The following NTAN1 variants were observed in gnomAD, a reference collection of about 807,000 sequenced individuals.
NTAN1 encodes protein N-terminal asparagine amidohydrolase.
Under a neutral mutation model 41.9 loss-of-function variants are expected in NTAN1, and 32 were observed. That is an observed-to-expected ratio of 0.76 (90% confidence interval 0.58 to 1.03). NTAN1 has a LOEUF of 1.03. NTAN1 is among the 50% of genes least tolerant of loss of function. The pLI is 0.00. For missense variants in NTAN1, 377 were observed against 377.5 expected (o/e 1.00, Z 0.01); for synonymous variants, 140 against 139.5 (o/e 1.00, Z -0.03).
At chr16:15,039,010 A>C (rs969600977) in intron 8 of NTAN1, among the ~76,000 whole-genome samples, 1 of 152,164 alleles carries the variant, frequency 6.6e-6, no homozygotes, top group African/African-American at 2.4e-5. Context: ...TCAGAGCTGG[A>C]CCTCAAACCC....
chr16:15,047,657 T>A (rs1597797363), intron 3 of NTAN1, 107 bp from the exon 4 acceptor site: 1 of 972,656 alleles, frequency 1.0e-6, no homozygotes, highest in Non-Finnish European at 1.7e-6. Flanking sequence ...GAATATCCTG[T>A]AGGGGAAAAA....
chr16:15,047,043 A>G (rs1474664573), intron 4 of NTAN1, among the ~76,000 whole-genome samples: 1 of 151,924 alleles, frequency 6.6e-6, no homozygotes, highest in South Asian at 2.1e-4. Context: ...CTTTCTGTCT[A>G]CTCTTCACTG....
At chr16:15,053,399 T>C (rs1039082725) in intron 1 of NTAN1, among the ~76,000 whole-genome samples, 3 of 152,258 alleles carry the variant, frequency 2.0e-5, no homozygotes, top group African/African-American at 7.2e-5. Context: ...GGCTTCTAAC[T>C]GTTGGTACTC....
chr16:15,040,218 G>GA, intron 7 of NTAN1, 152 bp from the exon 8 acceptor site: 1 of 445,926 alleles, frequency 2.2e-6, no homozygotes, highest in East Asian at 3.4e-5. Context: ...CCTGGAGGGG[G>GA]AAAATGCAAC....
chr16:15,055,825 G>GC, intron 1 of NTAN1, 66 bp downstream of exon 1: 1 of 874,750 alleles, frequency 1.1e-6, no homozygotes, highest in Non-Finnish European at 1.5e-6. Flanking sequence ...GCGTGAGGGG[G>GC]GCGCTAGCCC....
At chr16:15,040,856 T>C (rs1360598397) in intron 7 of NTAN1, among the ~76,000 whole-genome samples, 1 of 152,126 alleles carries the variant, frequency 6.6e-6, no homozygotes, top group African/African-American at 2.4e-5. Context: ...TTCTTCAAAG[T>C]CTTAAGAAGT....
intron 5 of NTAN1, among the ~76,000 whole-genome samples, chr16:15,043,821 G>A (rs1011556876): frequency 2.0e-5 from 3 of 152,022 alleles, no homozygotes; most frequent in Non-Finnish European, 2.9e-5. Context: ...GGTGGCGCAC[G>A]CCTGTGATCC....
intron 6 of NTAN1, 67 bp from the exon 7 acceptor site, chr16:15,041,188 T>A: frequency 9.4e-7 from 1 of 1,065,696 alleles, no homozygotes; most frequent in Non-Finnish European, 1.5e-6. Context: ...TTACTTTGTA[T>A]AATAAAGGCG....
At chr16:15,047,631 G>T in intron 3 of NTAN1, 81 bp from the exon 4 acceptor site, 1 of 1,079,552 alleles carries the variant, frequency 9.3e-7, no homozygotes, top group Non-Finnish European at 1.4e-6. Context: ...CTGTCCCTCC[G>T]GACCGCCTCA....
chr16:15,037,960 T>A lies in NTAN1; in HGVS notation c.*71A>T, dbSNP rs532196114. 13 of 1,132,234 alleles carry A rather than the reference T, an allele frequency of 1.1e-5. No individual in the cohort carries two copies. In the South Asian group the frequency reaches 1.7e-4, roughly 15 times the overall value. The allele number at this position is 1,132,234 out of a possible 1,614,324, so 70.1% of individuals were successfully genotyped here. A position where few individuals can be genotyped will look rare whatever the true frequency, so the allele number is the denominator to read the frequency against. On this transcript the variant is annotated 3_prime_UTR_variant, in exon 10 of 10. Coordinates refer to ENST00000287706, the MANE Select transcript of NTAN1 (RefSeq NM_173474.4). ...AGACCCAACAGATGTAGGATCCAGA[T>A]CTGGATTCGTGCCAGCCCCACCAAT... is the stretch of plus-strand genomic sequence containing the variant.
At chr16:15,054,553 C>T (rs2044424396) in intron 1 of NTAN1, among the ~76,000 whole-genome samples, 1 of 152,194 alleles carries the variant, frequency 6.6e-6, no homozygotes, top group Non-Finnish European at 1.5e-5. Context: ...TAAAGTGACA[C>T]GCCACCACGC....
chr16:15,043,032 C>T (rs1008168305), intron 5 of NTAN1, among the ~76,000 whole-genome samples: 5 of 152,062 alleles, frequency 3.3e-5, no homozygotes, highest in African/African-American at 7.2e-5. Context: ...TCCCAAGTAG[C>T]TGGGATTACA....
intron 4 of NTAN1, among the ~76,000 whole-genome samples, chr16:15,046,891 C>T (rs751762911): frequency 2.8e-4 from 43 of 152,032 alleles, no homozygotes; most frequent in Non-Finnish European, 5.4e-4. Context: ...AAAAAGAGAA[C>T]AAGAAAAAAA....
rs2044506513 is a variant in NTAN1 at position 15,056,045 on chromosome 16, CCCCGCCCCTCGG to C, written c.-86_-75del. 6.3e-6 allele frequency: 4 copies of C among 636,356 alleles called. No homozygotes were observed. Among genetic ancestry groups the C allele is most frequent in the Admixed American group, 5.6e-5 (1 of 18,010 alleles). 39.4% of individuals were successfully genotyped at this position (636,356 alleles called of 1,614,324 possible). A position where few individuals can be genotyped will look rare whatever the true frequency, so the allele number is the denominator to read the frequency against. ...TTTGCAGCCCCGGGCCGCCCGCCGC[CCCCGCCCCTCGG>C]GCCGCGCGTCCCGCCTCGTCCTGCC... On this transcript the variant is annotated 5_prime_UTR_variant, in exon 1 of 10. Transcript: ENST00000287706.
chr16:15,050,586 G>A (rs1381150247), intron 1 of NTAN1, among the ~76,000 whole-genome samples: 1 of 152,098 alleles, frequency 6.6e-6, no homozygotes, highest in African/African-American at 2.4e-5. Context: ...ACAAAAATTA[G>A]CTGGGTGTGG....
chr16:15,055,253 T>A (rs1206896734), intron 1 of NTAN1, among the ~76,000 whole-genome samples: 1 of 152,132 alleles, frequency 6.6e-6, no homozygotes, highest in Non-Finnish European at 1.5e-5. Context: ...AGTTCAGAGA[T>A]CTATTTGAGC....
chr16:15,040,748 C>A (rs2043777179), intron 7 of NTAN1, among the ~76,000 whole-genome samples: 1 of 152,150 alleles, frequency 6.6e-6, no homozygotes, highest in Admixed American at 6.5e-5. Flanking sequence ...GCACGCCGGG[C>A]CTGGGGTGCT....
At chr16:15,039,920 T>A in intron 8 of NTAN1, 49 bp downstream of exon 8, 1 of 1,071,698 alleles carries the variant, frequency 9.3e-7, no homozygotes, top group Non-Finnish European at 1.4e-6. Context: ...CCTTGACATT[T>A]GATGCCTTTT....
At chr16:15,040,382 C>T in intron 7 of NTAN1, 2 of 305,290 alleles carry the variant, frequency 6.6e-6, no homozygotes, top group Non-Finnish European at 1.2e-5. Flanking sequence ...TGGTGTACGG[C>T]CAGGGGTGGC....
Sources: gnomAD v4.1 joint callset for allele counts (sites outside exome capture counted in the v4.1 genomes callset) on GRCh38, gnomAD v4.1.1 for gene constraint, MANE v1.5 for transcripts, NCBI Gene and HGNC (gene_info 2026-07-23, HGNC 2026-07-21) for gene names.